The following LAMA2 variants were observed in gnomAD, a reference collection of about 807,000 sequenced individuals.
LAMA2 encodes laminin subunit alpha-2.
In LAMA2, 269 loss-of-function variants were observed where a neutral mutation model predicts 364.8. The observed-to-expected ratio is 0.74, with a 90% CI of 0.67 to 0.82. LAMA2 has a LOEUF of 0.82. Ranked by LOEUF, LAMA2 falls within the 40% of genes least tolerant of loss-of-function variation. The pLI is 0.00. For missense variants in LAMA2, 3,807 were observed against 3,873.2 expected, an observed-to-expected ratio of 0.98 and a Z score of 0.45; for synonymous variants, 1,379 against 1,370.6, an observed-to-expected ratio of 1.01 and a Z score of -0.14.
chr6:129,010,436 CATAGTGGATTTGAGGAA>C (rs920362677), intron 1 of LAMA2, among the ~76,000 whole-genome samples: 2 of 152,184 alleles, frequency 1.3e-5, no homozygotes. Context: ...CGCTCACACA[CATAGTGGATTTGAGGAA>C]ATCAATTTTC....
chr6:129,471,550 C>T (rs1783812245), intron 51 of LAMA2, among the ~76,000 whole-genome samples: 1 of 151,894 alleles, frequency 6.6e-6, no homozygotes, highest in Non-Finnish European at 1.5e-5. Context: ...TAGAAAGAGA[C>T]TATTTTCATC....
intron 35 of LAMA2, among the ~76,000 whole-genome samples, chr6:129,388,994 G>A (rs1779175603): frequency 2.0e-5 from 3 of 152,054 alleles, no homozygotes; most frequent in Admixed American, 2.0e-4. Context: ...GCTGGACCAG[G>A]GAGCTTTCAA....
At chr6:129,437,639 A>C (rs1448954628) in intron 41 of LAMA2, among the ~76,000 whole-genome samples, 1 of 152,148 alleles carries the variant, frequency 6.6e-6, no homozygotes, top group African/African-American at 2.4e-5. Context: ...TGTTGTATCC[A>C]GTCAAGAGAG....
intron 12 of LAMA2, among the ~76,000 whole-genome samples, chr6:129,196,413 C>T (rs961799187): frequency 6.6e-6 from 1 of 152,120 alleles, no homozygotes; most frequent in Non-Finnish European, 1.5e-5. Flanking sequence ...GTAATTGATG[C>T]TACATGCTTA....
At chr6:129,253,563 G>A (rs922145553) in intron 14 of LAMA2, among the ~76,000 whole-genome samples, 1 of 152,236 alleles carries the variant, frequency 6.6e-6, no homozygotes, top group Non-Finnish European at 1.5e-5. Flanking sequence ...GAGATGAGAA[G>A]CAGCACTTAG....
At chr6:128,883,797 T>TACACACAC (rs1445558389) in intron 1 of LAMA2, among the ~76,000 whole-genome samples, 2 of 133,714 alleles carry the variant, frequency 1.5e-5, no homozygotes, top group African/African-American at 6.4e-5. Context: ...TATATATATA[T>TACACACAC]ATATACACAC....
chr6:129,222,774 G>C (rs1783953854), intron 12 of LAMA2, among the ~76,000 whole-genome samples: 1 of 151,932 alleles, frequency 6.6e-6, no homozygotes, highest in African/African-American at 2.4e-5. Context: ...CCAAGTCTTT[G>C]CTATTATGAA....
At chr6:129,065,089 G>A (rs1394852322) in intron 3 of LAMA2, among the ~76,000 whole-genome samples, 3 of 152,180 alleles carry the variant, frequency 2.0e-5, no homozygotes, top group Admixed American at 1.3e-4. Context: ...TACCAGGGAT[G>A]CCATGGTTTA....
intron 61 of LAMA2, among the ~76,000 whole-genome samples, chr6:129,507,172 C>A (rs557611843): frequency 3.1e-4 from 47 of 151,656 alleles, no homozygotes; most frequent in Admixed American, 2.3e-3. Context: ...CGTAAGAGAC[C>A]AATTAAAACT....
intron 4 of LAMA2, among the ~76,000 whole-genome samples, chr6:129,113,156 C>T (rs1776256282): frequency 6.6e-6 from 1 of 151,980 alleles, no homozygotes; most frequent in Admixed American, 6.6e-5. Flanking sequence ...TAATTGTTTT[C>T]CAACAATGTT....
chr6:129,304,284 A>G (rs12204350), intron 22 of LAMA2, among the ~76,000 whole-genome samples: 8,086 of 152,010 alleles, frequency 0.053, 296 homozygotes, highest in Middle Eastern at 0.14. Flanking sequence ...TTTGTTTTTG[A>G]GACGGAGTCT....
At chr6:128,939,413 T>C (rs1368570442) in intron 1 of LAMA2, among the ~76,000 whole-genome samples, 1 of 152,126 alleles carries the variant, frequency 6.6e-6, no homozygotes, top group Non-Finnish European at 1.5e-5. Context: ...CATGAATTTA[T>C]AACATATATA....
chr6:129,291,704 G>T lies in LAMA2; in HGVS notation c.2840G>T (p.Arg947Ile). The change falls in exon 20 of 65, where the codon AGA becomes ATA. Residue 947 changes from arginine (R) to isoleucine (I), a missense_variant. Physicochemically the swap from Arg to Ile is moderately conservative, Grantham distance 97. Coordinates refer to ENST00000421865, the MANE Select transcript of LAMA2 (RefSeq NM_000426.4). The stretch of plus-strand genomic sequence containing the variant: ...TGCAGAGCCAACGTTCAGGGTCAGA[G>T]ATGTGACAAATGCAAGGTAAGGAGT... ...CECRANVQGQ[R>I]CDKCKAGTFG... 2 of 1,612,950 alleles carry T rather than the reference G, an allele frequency of 1.2e-6. No individual in the cohort carries two copies. Among genetic ancestry groups the T allele is most frequent in the Non-Finnish European group, 1.7e-6 (2 of 1,178,902 alleles).
chr6:128,913,390 A>G (rs1778109313), intron 1 of LAMA2, among the ~76,000 whole-genome samples: 1 of 152,180 alleles, frequency 6.6e-6, no homozygotes, highest in Non-Finnish European at 1.5e-5. Flanking sequence ...TAAATGACAC[A>G]TTTCTATGAA....
intron 1 of LAMA2, among the ~76,000 whole-genome samples, chr6:129,011,995 C>T (rs1306089594): frequency 6.6e-6 from 1 of 152,124 alleles, no homozygotes; most frequent in Non-Finnish European, 1.5e-5. Context: ...GCACTGGGCT[C>T]TTCTACTCTT....
chr6:129,174,032 A>T (rs1222165987), intron 9 of LAMA2, among the ~76,000 whole-genome samples: 1 of 152,096 alleles, frequency 6.6e-6, no homozygotes, highest in East Asian at 1.9e-4. Context: ...TCTAGTGCAC[A>T]AACTTCAAAA....
Position 129,252,051 on chromosome 6 carries a change from A to G in LAMA2, c.1885-33A>G, listed in dbSNP as rs374948797. The G allele has an allele frequency of 7.5e-5, 109 of 1,462,502 alleles. 1 individual carries two copies. The Middle Eastern group carries it at 4.5e-3, about 60-fold the overall frequency. The allele number at this position is 1,462,502 out of a possible 1,614,324, so 90.6% of individuals were successfully genotyped here. On this transcript the variant is annotated intron_variant, in intron 13 of 64. Transcript: ENST00000421865. ...ACTTTTGTACCCTCTTTTCAGTTTT[A>G]CTCTTTTTTATTTCTTTTTTTTCCC...
At chr6:129,241,045 T>C (rs960114121) in intron 12 of LAMA2, among the ~76,000 whole-genome samples, 2 of 152,200 alleles carry the variant, frequency 1.3e-5, no homozygotes, top group African/African-American at 4.8e-5. Context: ...TACATCTCCT[T>C]TAGCCTATTT....
intron 1 of LAMA2, among the ~76,000 whole-genome samples, chr6:129,048,222 A>G (rs941013431): frequency 6.6e-6 from 1 of 152,190 alleles, no homozygotes; most frequent in South Asian, 2.1e-4. Flanking sequence ...ACAAACATTT[A>G]TGAGTCCAAT....
Sources: gnomAD v4.1 joint callset for allele counts (sites outside exome capture counted in the v4.1 genomes callset) on GRCh38, gnomAD v4.1.1 for gene constraint, MANE v1.5 for transcripts, NCBI Gene and HGNC (gene_info 2026-07-23, HGNC 2026-07-21) for gene names.